The following LRRTM4 variants were observed in gnomAD, a reference collection of about 807,000 sequenced individuals.
LRRTM4 encodes leucine-rich repeat transmembrane neuronal protein 4.
In LRRTM4, 25 loss-of-function variants were observed where a neutral mutation model predicts 47.6. That is an observed-to-expected ratio of 0.53 (90% CI 0.38 to 0.73). LRRTM4 has a LOEUF of 0.73. LRRTM4 is among the 30% of genes least tolerant of loss of function. The pLI, the probability that LRRTM4 is intolerant of heterozygous loss-of-function variation, is 0.00. For synonymous variants in LRRTM4, 311 were observed against 269.5 expected (o/e 1.15, Z -1.51); for missense variants, 638 against 713.4 (o/e 0.89, Z 1.20).
intron 3 of LRRTM4, among the ~76,000 whole-genome samples, chr2:77,350,549 G>A (rs1671729586): frequency 6.6e-6 from 1 of 151,696 alleles, no homozygotes; most frequent in South Asian, 2.1e-4. Flanking sequence ...ATCTATGAAA[G>A]GAAATGGAGA....
chr2:76,868,582 A>G (rs1407441759), intron 3 of LRRTM4, among the ~76,000 whole-genome samples: 15 of 152,218 alleles, frequency 9.9e-5, no homozygotes, highest in Non-Finnish European at 1.5e-5. Flanking sequence ...AGCAGAATAA[A>G]AAAGGCTTGT....
intron 3 of LRRTM4, among the ~76,000 whole-genome samples, chr2:77,260,600 C>T (rs566612692): frequency 1.6e-4 from 24 of 152,092 alleles, no homozygotes; most frequent in Admixed American, 3.9e-4. Context: ...GTTCTTGATG[C>T]AATTAAGAAA....
At chr2:76,923,246 G>A (rs1056480357) in intron 3 of LRRTM4, among the ~76,000 whole-genome samples, 6 of 151,904 alleles carry the variant, frequency 3.9e-5, no homozygotes, top group African/African-American at 9.6e-5. Context: ...TATGTTAAAC[G>A]TTTGTCTAAA....
intron 3 of LRRTM4, among the ~76,000 whole-genome samples, chr2:76,780,993 C>T (rs1370123145): frequency 2.0e-5 from 3 of 152,268 alleles, no homozygotes; most frequent in Non-Finnish European, 4.4e-5. Context: ...GGACCCTCAG[C>T]TGCAGGTCTG....
chr2:77,025,916 C>T (rs1373308225), intron 3 of LRRTM4, among the ~76,000 whole-genome samples: 1 of 152,124 alleles, frequency 6.6e-6, no homozygotes, highest in Non-Finnish European at 1.5e-5. Flanking sequence ...AATGACCGCT[C>T]CTCAAAAATA....
intron 3 of LRRTM4, among the ~76,000 whole-genome samples, chr2:77,030,600 G>C (rs1453750522): frequency 6.6e-6 from 1 of 152,026 alleles, no homozygotes; most frequent in Non-Finnish European, 1.5e-5. Flanking sequence ...AAAATAATCT[G>C]AATCTACCCT....
chr2:76,784,128 T>C (rs1217110580), intron 3 of LRRTM4, among the ~76,000 whole-genome samples: 1 of 152,112 alleles, frequency 6.6e-6, no homozygotes, highest in East Asian at 1.9e-4. Context: ...TATTTATCTG[T>C]TTTAATGTTC....
At chr2:77,029,078 A>G (rs989409014) in intron 3 of LRRTM4, among the ~76,000 whole-genome samples, 6 of 146,534 alleles carry the variant, frequency 4.1e-5, no homozygotes, top group African/African-American at 1.5e-4. Flanking sequence ...TATAATATAT[A>G]TATATTATAT....
chr2:76,781,486 C>T (rs577530401), intron 3 of LRRTM4, among the ~76,000 whole-genome samples: 28 of 152,276 alleles, frequency 1.8e-4, no homozygotes, highest in Middle Eastern at 3.4e-3. Context: ...GTCTGAAAAG[C>T]GCAGTATTCG....
intron 3 of LRRTM4, among the ~76,000 whole-genome samples, chr2:76,864,660 C>CAG (rs1353130118): frequency 4.0e-5 from 4 of 100,744 alleles, no homozygotes; most frequent in African/African-American, 1.4e-4. Context: ...AACTCCATCC[C>CAG]AAAAAAAAAA....
At chr2:76,773,202 T>G (rs929815844) in intron 3 of LRRTM4, among the ~76,000 whole-genome samples, 2 of 152,246 alleles carry the variant, frequency 1.3e-5, no homozygotes, top group African/African-American at 4.8e-5. Context: ...TGGGGAATGA[T>G]AGGAGCCTAA....
At chr2:77,357,893 A>G (rs1026461526) in intron 3 of LRRTM4, among the ~76,000 whole-genome samples, 2 of 152,156 alleles carry the variant, frequency 1.3e-5, no homozygotes, top group Non-Finnish European at 2.9e-5. Context: ...CTTCCCACTC[A>G]GAGGGATTCT....
At chr2:76,787,265 G>A (rs890709843) in intron 3 of LRRTM4, among the ~76,000 whole-genome samples, 1 of 152,096 alleles carries the variant, frequency 6.6e-6, no homozygotes, top group Non-Finnish European at 1.5e-5. Context: ...AATTTAGAAT[G>A]CACAATTGGC....
chr2:76,984,166 ATC>A (rs987519261), intron 3 of LRRTM4, among the ~76,000 whole-genome samples: 2 of 147,054 alleles, frequency 1.4e-5, no homozygotes, highest in Non-Finnish European at 3.0e-5. Context: ...GAAGAAAATC[ATC>A]TGACTGAGAA....
At chr2:76,901,279 C>A (rs548209476) in intron 3 of LRRTM4, among the ~76,000 whole-genome samples, 1 of 152,224 alleles carries the variant, frequency 6.6e-6, no homozygotes, top group South Asian at 2.1e-4. Flanking sequence ...TCAGCTCCAA[C>A]TTATAAGTGA....
At chr2:77,169,107 C>T (rs2103829030) in intron 3 of LRRTM4, among the ~76,000 whole-genome samples, 1 of 152,176 alleles carries the variant, frequency 6.6e-6, no homozygotes, top group African/African-American at 2.4e-5. Context: ...TATGACAAAT[C>T]CGCAGCTAAA....
intron 3 of LRRTM4, among the ~76,000 whole-genome samples, chr2:77,182,443 G>C (rs117785714): frequency 6.6e-6 from 1 of 152,032 alleles, no homozygotes; most frequent in Non-Finnish European, 1.5e-5. Context: ...GGTGAGGGGA[G>C]AGAATCTAGA....
intron 3 of LRRTM4, among the ~76,000 whole-genome samples, chr2:77,330,438 T>C (rs1474332236): frequency 6.6e-6 from 1 of 152,164 alleles, no homozygotes; most frequent in Non-Finnish European, 1.5e-5. Context: ...TAATTGTTTG[T>C]ATTTTGTTGA....
At chr2:76,916,109 A>G (rs1674234361) in intron 3 of LRRTM4, among the ~76,000 whole-genome samples, 1 of 152,160 alleles carries the variant, frequency 6.6e-6, no homozygotes, top group Non-Finnish European at 1.5e-5. Flanking sequence ...GATGCAGGAG[A>G]TAAAATATAC....
Sources: allele counts gnomAD v4.1 joint callset (sites outside exome capture counted in the v4.1 genomes callset), GRCh38; gene constraint gnomAD v4.1.1; transcripts MANE v1.5; gene names NCBI Gene and HGNC (gene_info 2026-07-23, HGNC 2026-07-21).